TLE6: variants seen among roughly 807,000 people sequenced by gnomAD.
TLE6 encodes TLE family member 6, subcortical maternal complex member.
Under a neutral mutation model 77.1 loss-of-function variants are expected in TLE6, and 72 were observed. The observed-to-expected ratio is 0.93, with a 90% confidence interval of 0.77 to 1.14. TLE6 has a LOEUF of 1.14. Among genes scored for constraint, TLE6 ranks in the 50% most tolerant of loss-of-function variants. TLE6 has a pLI of 0.00. For synonymous variants in TLE6, 366 were observed against 287.3 expected, an observed-to-expected ratio of 1.27 and a Z score of -2.77; for missense variants, 843 against 747.6, an observed-to-expected ratio of 1.13 and a Z score of -1.49.
Position 2,995,099 on chromosome 19 carries a change from G to T in TLE6, c.*95G>T. 1.2e-6 allele frequency: 1 copy of T among 815,020 alleles called. No homozygotes were observed. 50.5% of individuals were successfully genotyped at this position (815,020 alleles called of 1,614,324 possible). A position where few individuals can be genotyped will look rare whatever the true frequency, so the allele number is the denominator to read the frequency against. On this transcript the variant is annotated 3_prime_UTR_variant, in exon 17 of 17. Transcript: ENST00000246112. ...GGGACATGGTGGAGGGAAGCGGGAA[G>T]GCTCTTCTGTGGCATCGCACGATCT...
chr19:2,983,313 TGGTAGATGGAGTGTTAGGGGA>T (rs2088837202), intron 5 of TLE6, among the ~76,000 whole-genome samples: 1 of 151,874 alleles, frequency 6.6e-6, no homozygotes, highest in South Asian at 2.1e-4. Flanking sequence ...GAGTGGAGCC[TGGTAGATGGAGTGTTAGGGGA>T]TGAGGGCTGG....
At chr19:2,994,117 A>G (rs1317199269) in intron 16 of TLE6, 22 bp downstream of exon 16, 1 of 1,585,998 alleles carries the variant, frequency 6.3e-7, no homozygotes, top group African/African-American at 1.3e-5. Flanking sequence ...GGCTGGGGGC[A>G]GGACCCGGGG....
chr19:2,980,163 C>A lies in TLE6; in HGVS notation c.115C>A (p.Arg39=), dbSNP rs747375518. The part of the protein sequence containing the change: ...PTLNYQGILN[R]LKQFPRFSPH... ...GCTGAATTATCAGGGCATTCTAAAT[C>A]GGCTCAAGCAGTTCCCCAGGTGAGA... Residue 39 remains arginine (R), a synonymous_variant, in exon 3 of 17, where the codon CGG becomes AGG. Coordinates refer to ENST00000246112, the MANE Select transcript of TLE6 (RefSeq NM_001143986.2). 6.5e-6 allele frequency: 10 copies of A among 1,548,064 alleles called. No individual in the cohort carries two copies. The South Asian group carries it at 1.2e-4, about 18-fold the overall frequency.
intron 2 of TLE6, among the ~76,000 whole-genome samples, chr19:2,979,486 T>A (rs8105149): frequency 0.96 from 144,726 of 151,544 alleles, 69,169 homozygotes; most frequent in East Asian, 1. Context: ...ACCTCAGGTG[T>A]TCTGCTCACC....
rs151302669 is a variant in TLE6 at position 2,987,055 on chromosome 19, T to C, written c.358T>C (p.Phe120Leu). ...VKDKTLQESS[F>L]EDIMATRSSD... ...GGACAAGACCCTGCAGGAGTCGAGC[T>C]TTGAGGACATCATGGCCACCAGGTC... The change falls in exon 7 of 17, where the codon TTT (phenylalanine) becomes CTT (leucine). Residue 120 changes from phenylalanine (F) to leucine (L), a missense_variant. Phe to Leu is a conservative substitution (Grantham distance 22). Transcript: ENST00000246112. 553 of 1,614,074 alleles carry C rather than the reference T, an allele frequency of 3.4e-4. 3 individuals carry two copies. In the African/African-American group the frequency reaches 6.4e-3, roughly 19 times the overall value.
chr19:2,992,813 G>GGGGGGGGGGGGGGGGC (rs2089106820), intron 14 of TLE6, among the ~76,000 whole-genome samples: 1 of 44,278 alleles, frequency 2.3e-5, no homozygotes, highest in Non-Finnish European at 6.0e-5. Flanking sequence ...GCGGGTGGGG[G>GGGGGGGGGGGGGGGGC]GGGGGGAGGA....
intron 2 of TLE6, among the ~76,000 whole-genome samples, chr19:2,979,742 C>G (rs978713796): frequency 6.8e-6 from 1 of 146,886 alleles, no homozygotes; most frequent in African/African-American, 2.5e-5. Flanking sequence ...AGGTTGAGAC[C>G]AGCCTGGCCA....
At chr19:2,983,104 G>C (rs1182886092) in intron 5 of TLE6, among the ~76,000 whole-genome samples, 1 of 152,188 alleles carries the variant, frequency 6.6e-6, no homozygotes, top group African/African-American at 2.4e-5. Flanking sequence ...TAACTGGCAG[G>C]GGCCCAGGGC....
chr19:2,995,152 A>G lies in TLE6; in HGVS notation c.*148A>G, dbSNP rs2089186307. ...TCTGTGGTGTAGACTGGTCGCCATC[A>G]CGTGTAATAAAGCACCCGGGAAAGG... On this transcript the variant is annotated 3_prime_UTR_variant, in exon 17 of 17. Transcript: ENST00000246112. 1.9e-6 allele frequency: 1 copy of G among 516,170 alleles called. No homozygotes were observed. Among genetic ancestry groups the G allele is most frequent in the African/African-American group, 1.9e-5 (1 of 51,664 alleles). The allele number at this position is 516,170 out of a possible 1,614,324, so 32.0% of individuals were successfully genotyped here. A position where few individuals can be genotyped will look rare whatever the true frequency, so the allele number is the denominator to read the frequency against.
At chr19:2,988,834 GCA>G in intron 11 of TLE6, 2 of 629,798 alleles carry the variant, frequency 3.2e-6, no homozygotes, top group Non-Finnish European at 5.4e-6. Context: ...TCCTCCTGGG[GCA>G]AAGCAGTCTA....
rs1161855581 is a variant in TLE6 at position 2,982,314 on chromosome 19, G to A, written c.222+125G>A. 7 of 1,020,290 alleles carry A rather than the reference G, an allele frequency of 6.9e-6. No individual in the cohort carries two copies. In the East Asian group the frequency reaches 1.1e-4, roughly 16 times the overall value. 63.2% of individuals were successfully genotyped at this position (1,020,290 alleles called of 1,614,324 possible). On this transcript the variant is annotated intron_variant, in intron 5 of 16. Transcript: ENST00000246112. ...GCACTTTGGGAGGCCGAGGAGGGTG[G>A]ATCACTTGAGGTCAGGAGTTCGAGA...
rs1257130420 is a variant in TLE6 at position 2,989,277 on chromosome 19, T to C, written c.957T>C (p.Ala319=). The C allele has an allele frequency of 4.3e-6, 7 of 1,613,488 alleles. No individual in the cohort carries two copies. Among genetic ancestry groups the C allele is most frequent in the Non-Finnish European group, 5.9e-6 (7 of 1,180,028 alleles). The change falls in exon 12 of 17, where the codon GCT becomes GCC. Residue 319 remains alanine (A), a synonymous_variant. Coordinates refer to ENST00000246112, the MANE Select transcript of TLE6 (RefSeq NM_001143986.2). ...IKVWSLTGQV[A]EDRFPESHLP... ...TGTGGAGCCTGACTGGACAGGTGGC[T>C]GAGGACAGGTTCCCTGAGAGCCACC...
At position 2,987,043 on chromosome 19, in the gene TLE6, CA is replaced by C; in HGVS notation, c.347del (p.Gln116ArgfsTer44). ...TPQQVKDKTL[Q>X]ESSFEDIMAT... ...CCAGCAGGTGAAGGACAAGACCCTGCAGGAGTCGAGCTTTGAGGACATCATG... is the reference window on the plus strand; with the variant it reads ...CCAGCAGGTGAAGGACAAGACCCTGCGGAGTCGAGCTTTGAGGACATCATG... On this transcript the variant is annotated frameshift_variant, in exon 7 of 17. Transcript: ENST00000246112. LOFTEE classifies it high-confidence loss of function. The C allele has an allele frequency of 6.2e-7, 1 of 1,614,092 alleles. No individual in the cohort carries two copies. The highest frequency in any genetic ancestry group is 8.5e-7 in the Non-Finnish European group (1 of 1,179,968).
intron 11 of TLE6, 96 bp downstream of exon 11, chr19:2,988,224 A>C: frequency 7.7e-7 from 1 of 1,300,490 alleles, no homozygotes. Context: ...AGGGGAACAG[A>C]GGTGTAAGAC....
intron 5 of TLE6, among the ~76,000 whole-genome samples, chr19:2,986,141 G>A (rs1055581955): frequency 1.3e-4 from 18 of 142,330 alleles, no homozygotes; most frequent in East Asian, 6.3e-4. Flanking sequence ...GGCCGGATGC[G>A]GTGGCTTAAA....
intron 13 of TLE6, among the ~76,000 whole-genome samples, chr19:2,990,487 C>A (rs935920606): frequency 5.3e-5 from 8 of 150,548 alleles, no homozygotes; most frequent in Admixed American, 2.7e-4. Context: ...ACCTGTAGTC[C>A]CAGCTACTCG....
rs984487138 is a variant in TLE6, at chr19:2,989,134, G to A, written c.814G>A (p.Ala272Thr). ...CTTGCCCGGGCAGTCAAAGAGACTC[G>A]CCGTCCCGTGCAAACTGGAAAAGAT... ...DALPGQSKRLAVPCKLEKMRI... is the reference protein window; with the variant it reads ...DALPGQSKRLTVPCKLEKMRI... The change falls in exon 12 of 17, where the codon GCC (alanine) becomes ACC (threonine). Residue 272 changes from alanine to threonine, a missense_variant. Physicochemically the swap from Ala to Thr is moderately conservative, Grantham distance 58. Transcript: ENST00000246112. The A allele has an allele frequency of 1.5e-5, 25 of 1,613,984 alleles. No individual in the cohort carries two copies. The highest frequency in any genetic ancestry group is 4.5e-5 in the East Asian group (2 of 44,894).
chr19:2,991,358 CAA>C (rs1336193754), intron 13 of TLE6, among the ~76,000 whole-genome samples: 3 of 58,752 alleles, frequency 5.1e-5, no homozygotes, highest in Admixed American at 2.1e-4. Flanking sequence ...GACTCCATTT[CAA>C]AAAAAAAAAA....
At chr19:2,991,732 T>A (rs920683790) in intron 13 of TLE6, 111 bp from the exon 14 acceptor site, 26 of 1,041,706 alleles carry the variant, frequency 2.5e-5, no homozygotes, top group African/African-American at 4.7e-5. Flanking sequence ...AGGCAGAGAT[T>A]TTTGGGTGGT....
Sources: allele counts gnomAD v4.1 joint callset (sites outside exome capture counted in the v4.1 genomes callset), GRCh38; gene constraint gnomAD v4.1.1; transcripts MANE v1.5; gene names NCBI Gene and HGNC (gene_info 2026-07-23, HGNC 2026-07-21).